Variants in SH3GL2 observed in about 807,000 individuals in gnomAD.
SH3GL2 encodes endophilin-A1.
Under a neutral mutation model 46.0 loss-of-function variants are expected in SH3GL2, and 24 were observed. That is an observed-to-expected ratio of 0.52 (90% CI 0.38 to 0.73). SH3GL2 has a LOEUF of 0.73. Among genes scored for constraint, SH3GL2 ranks in the 30% least tolerant of loss-of-function variants. SH3GL2 has a pLI of 0.00. For synonymous variants in SH3GL2, 196 were observed against 147.1 expected (o/e 1.33, Z -2.40); for missense variants, 413 against 424.2 (o/e 0.97, Z 0.23).
chr9:17,661,349 C>T (rs1820208600), intron 1 of SH3GL2, among the ~76,000 whole-genome samples: 1 of 151,876 alleles, frequency 6.6e-6, no homozygotes, highest in Non-Finnish European at 1.5e-5. Context: ...GGATGACAGG[C>T]CCAGGATGGA....
intron 1 of SH3GL2, among the ~76,000 whole-genome samples, chr9:17,675,808 G>C (rs1415792839): frequency 1.3e-5 from 2 of 152,214 alleles, no homozygotes; most frequent in Non-Finnish European, 2.9e-5. Context: ...AGCTGGGTGT[G>C]GTGGCGGGTG....
In SH3GL2 at chr9:17,579,126, G is replaced by T. The variant is rs1392653494; in HGVS notation, c.-117G>T. 4 of 612,750 alleles carry T rather than the reference G, an allele frequency of 6.5e-6. No homozygotes were observed. Among genetic ancestry groups the T allele is most frequent in the Non-Finnish European group, 1.0e-5 (4 of 387,308 alleles). The allele number at this position is 612,750 out of a possible 1,614,324, so 38.0% of individuals were successfully genotyped here. ...TAGGCTCCGCGCCCTCGCGCCCATAGCCCCGGCGGCGGCACGACCAGAGGC... is the reference window on the plus strand; with the variant it reads ...TAGGCTCCGCGCCCTCGCGCCCATATCCCCGGCGGCGGCACGACCAGAGGC... On this transcript the variant is annotated 5_prime_UTR_variant, in exon 1 of 9. Transcript: ENST00000380607.
intron 1 of SH3GL2, among the ~76,000 whole-genome samples, chr9:17,684,178 G>T (rs1364923567): frequency 6.6e-6 from 1 of 152,064 alleles, no homozygotes; most frequent in Non-Finnish European, 1.5e-5. Flanking sequence ...TATGTTAAAG[G>T]TTCTAAGTGG....
chr9:17,621,396 G>A (rs898525886), intron 1 of SH3GL2, among the ~76,000 whole-genome samples: 3 of 152,214 alleles, frequency 2.0e-5, no homozygotes, highest in African/African-American at 7.2e-5. Context: ...CAGCCATTGG[G>A]TTGAATTGTC....
At chr9:17,712,985 C>G (rs769781073) in intron 1 of SH3GL2, among the ~76,000 whole-genome samples, 1 of 151,582 alleles carries the variant, frequency 6.6e-6, no homozygotes, top group Non-Finnish European at 1.5e-5. Flanking sequence ...TTCAGTCTTT[C>G]ACCATTAAGG....
chr9:17,735,439 G>C (rs761664964), intron 1 of SH3GL2, among the ~76,000 whole-genome samples: 1 of 152,148 alleles, frequency 6.6e-6, no homozygotes, highest in African/African-American at 2.4e-5. Flanking sequence ...TTGTATTTAT[G>C]TAAGAGTATG....
chr9:17,737,560 T>C (rs1822377123), intron 1 of SH3GL2, among the ~76,000 whole-genome samples: 2 of 152,042 alleles, frequency 1.3e-5, no homozygotes, highest in South Asian at 4.1e-4. Flanking sequence ...TCTGAAATGA[T>C]TGTTTCAGCC....
intron 1 of SH3GL2, among the ~76,000 whole-genome samples, chr9:17,687,708 A>G (rs937326208): frequency 2.7e-5 from 4 of 150,518 alleles, no homozygotes; most frequent in African/African-American, 1.0e-4. Context: ...GTTTAAGTCG[A>G]GGATTTGTCT....
At chr9:17,682,726 G>C (rs1184468395) in intron 1 of SH3GL2, among the ~76,000 whole-genome samples, 1 of 150,336 alleles carries the variant, frequency 6.7e-6, no homozygotes, top group Non-Finnish European at 1.5e-5. Context: ...TAGGACACAA[G>C]ATCTATTCCT....
chr9:17,605,845 G>A (rs377209326), intron 1 of SH3GL2, among the ~76,000 whole-genome samples: 1 of 152,126 alleles, frequency 6.6e-6, no homozygotes, highest in East Asian at 1.9e-4. Context: ...AAATGCTAGT[G>A]TCAGAGCAGG....
In SH3GL2 at chr9:17,745,215, A is replaced by G. The variant is rs923884755; in HGVS notation, c.46-1851A>G. On this transcript the variant is annotated intron_variant, in intron 1 of 8. Transcript: ENST00000380607. ...AGTATGTGTCAGTGATACAAATTTA[A>G]TAACCTTTCACTTTGAATCATTGCC... 3.3e-5 allele frequency among the ~76,000 whole-genome samples: 5 copies of G among 152,220 alleles called. No homozygotes were observed. In the East Asian group the frequency reaches 5.8e-4, roughly 18 times the overall value.
At chr9:17,663,812 A>G (rs1820280337) in intron 1 of SH3GL2, among the ~76,000 whole-genome samples, 1 of 152,240 alleles carries the variant, frequency 6.6e-6, no homozygotes, top group South Asian at 2.1e-4. Flanking sequence ...CAGGAAAAGA[A>G]GCAAAAATAA....
intron 1 of SH3GL2, among the ~76,000 whole-genome samples, chr9:17,732,651 A>G (rs780824318): frequency 6.6e-6 from 1 of 152,140 alleles, no homozygotes; most frequent in Non-Finnish European, 1.5e-5. Context: ...GGGGAATGGT[A>G]TAATTGGCCT....
At chr9:17,683,528 C>A (rs559117572) in intron 1 of SH3GL2, among the ~76,000 whole-genome samples, 4 of 152,046 alleles carry the variant, frequency 2.6e-5, no homozygotes, top group Non-Finnish European at 5.9e-5. Flanking sequence ...ATATTATCCA[C>A]TGGGACTATT....
chr9:17,626,261 G>C (rs1449534494), intron 1 of SH3GL2, among the ~76,000 whole-genome samples: 2 of 152,216 alleles, frequency 1.3e-5, no homozygotes, highest in African/African-American at 4.8e-5. Context: ...CCATGTGAGT[G>C]CTTTCAGATT....
rs552875189 is a variant in SH3GL2, at chr9:17,696,220, C to A, written c.46-50846C>A. On this transcript the variant is annotated intron_variant, in intron 1 of 8. Transcript: ENST00000380607. ...TTTTTAAAGAGAACATTTTTAAAAT[C>A]TAGCTTTATAACTCAAGGATATTTT... Among the ~76,000 whole-genome samples the A allele has an allele frequency of 9.9e-5, 15 of 152,118 alleles. No individual in the cohort carries two copies. The East Asian group carries it at 2.1e-3, about 22-fold the overall frequency.
At chr9:17,598,015 A>T (rs115334694) in intron 1 of SH3GL2, among the ~76,000 whole-genome samples, 4 of 152,322 alleles carry the variant, frequency 2.6e-5, no homozygotes, top group African/African-American at 9.6e-5. Flanking sequence ...CAGACCAATG[A>T]TTATGCAAAT....
At chr9:17,771,524 A>G (rs577508322) in intron 3 of SH3GL2, among the ~76,000 whole-genome samples, 1 of 152,254 alleles carries the variant, frequency 6.6e-6, no homozygotes, top group East Asian at 1.9e-4. Context: ...ACCACCCTCT[A>G]TTTGCTCTGA....
intron 1 of SH3GL2, among the ~76,000 whole-genome samples, chr9:17,657,487 T>C (rs1436745153): frequency 6.6e-6 from 1 of 152,144 alleles, no homozygotes; most frequent in African/African-American, 2.4e-5. Flanking sequence ...CGGATTTTGG[T>C]GTTATTCTAA....
Sources: allele counts gnomAD v4.1 joint callset (sites outside exome capture counted in the v4.1 genomes callset), GRCh38; gene constraint gnomAD v4.1.1; transcripts MANE v1.5; gene names NCBI Gene and HGNC (gene_info 2026-07-23, HGNC 2026-07-21).